The following ADGRG2 variants were observed in gnomAD, a reference collection of about 807,000 sequenced individuals.
ADGRG2 encodes adhesion G protein-coupled receptor G2.
In ADGRG2, 26 loss-of-function variants were observed where a neutral mutation model predicts 74.1. The observed-to-expected ratio is 0.35, with a 90% CI of 0.26 to 0.49. The LOEUF (loss-of-function observed/expected upper bound fraction) is 0.49. ADGRG2 is among the 20% of genes least tolerant of loss of function. ADGRG2 has a pLI of 0.99. For missense variants in ADGRG2, 619 were observed against 763.1 expected, an observed-to-expected ratio of 0.81 and a Z score of 2.22; for synonymous variants, 296 against 295.2, an observed-to-expected ratio of 1.00 and a Z score of -0.03.
At chrX:19,076,021 G>A (rs2061742704) in intron 2 of ADGRG2, among the ~76,000 whole-genome samples, 1 of 112,192 alleles carries the variant, frequency 8.9e-6, no homozygotes, top group Non-Finnish European at 1.9e-5. Flanking sequence ...AGAAGGCTTT[G>A]CCCTTATTCT....
Position 18,996,096 on chromosome X carries a change from T to C in ADGRG2, c.2671A>G (p.Arg891Gly), listed in dbSNP as rs984720247. 1.7e-6 allele frequency: 2 copies of C among 1,191,196 alleles called. No homozygotes were observed. Among genetic ancestry groups the C allele is most frequent in the African/African-American group, 3.5e-5 (2 of 57,344 alleles). ...VAKENVRKQW[R>G]RYLCCGKLRL... ...AACTTTCCACAACAAAGATACCGCC[T>C]CCATTGCTTCCTGACATTTTCTTTG... is the stretch of plus-strand genomic sequence containing the variant. Residue 891 changes from arginine to glycine, a missense_variant, in exon 27 of 29, where the codon AGG becomes GGG. This residue lies in a region of ADGRG2 where 106 missense variants were observed against 104.5 expected (regional missense o/e 1.01). Transcript: ENST00000379869.
chrX:19,034,859 G>C (rs1386089507), intron 7 of ADGRG2: 1 of 110,253 alleles, frequency 9.1e-6, no homozygotes, highest in African/African-American at 3.3e-5. Context: ...GCGTGAACCC[G>C]GGAGGCGGAG....
Position 19,002,868 on chromosome X carries a change from A to G in ADGRG2, c.2208T>C (p.Leu736=), listed in dbSNP as rs1277500058. ...TACCCCAACCGACAATGCAGAATTTAAGGATGTATTTTCGGATGTAAGTAT... is the reference window on the plus strand; with the variant it reads ...TACCCCAACCGACAATGCAGAATTTGAGGATGTATTTTCGGATGTAAGTAT... ...VFNTYIRKYI[L]KFCIVGWGVP... is the part of the protein sequence containing the mutation. The change falls in exon 24 of 29, where the codon CTT becomes CTC. Residue 736 remains leucine (L), a synonymous_variant. Coordinates refer to ENST00000379869, the MANE Select transcript of ADGRG2 (RefSeq NM_001079858.3). 2.5e-6 allele frequency: 3 copies of G among 1,208,542 alleles called. No homozygotes were observed. Among genetic ancestry groups the G allele is most frequent in the African/African-American group, 1.7e-5 (1 of 57,240 alleles).
intron 6 of ADGRG2, 89 bp downstream of exon 6, chrX:19,037,378 T>C: frequency 1.5e-6 from 1 of 685,529 alleles, no homozygotes; most frequent in African/African-American, 2.2e-5. Context: ...TCAGAAATAA[T>C]TTAGAAATGG....
At chrX:19,016,223 G>A (rs1407943546) in intron 15 of ADGRG2, among the ~76,000 whole-genome samples, 1 of 112,171 alleles carries the variant, frequency 8.9e-6, no homozygotes, top group African/African-American at 3.2e-5. Flanking sequence ...AGAGCTTGAC[G>A]AATTTTATAT....
At chrX:19,016,529 TA>T (rs1267072886) in intron 15 of ADGRG2, among the ~76,000 whole-genome samples, 1 of 109,905 alleles carries the variant, frequency 9.1e-6, no homozygotes, top group Non-Finnish European at 1.9e-5. Flanking sequence ...TTTTATTTTT[TA>T]TTTTTTATTA....
At chrX:19,096,989 G>A (rs2062106839) in intron 1 of ADGRG2, among the ~76,000 whole-genome samples, 1 of 112,327 alleles carries the variant, frequency 8.9e-6, no homozygotes, top group South Asian at 3.7e-4. Flanking sequence ...ACATCTCTGT[G>A]GCTGACACTT....
At chrX:19,095,961 G>A (rs1293343309) in intron 1 of ADGRG2, among the ~76,000 whole-genome samples, 1 of 112,113 alleles carries the variant, frequency 8.9e-6, no homozygotes, top group Non-Finnish European at 1.9e-5. Flanking sequence ...TGAGGCTGCA[G>A]TGAACAAAGA....
chrX:19,027,188 G>A lies in ADGRG2; in HGVS notation c.470+31C>T, dbSNP rs1199598277. On this transcript the variant is annotated intron_variant, in intron 11 of 28. Transcript: ENST00000379869. ...AAGTATCCTTCCATAGTTGATGTCT[G>A]CAGTTTCAAATCAAACGGCAGATTA... 5.2e-6 allele frequency: 5 copies of A among 958,597 alleles called. No individual in the cohort carries two copies. The African/African-American group carries it at 9.5e-5, about 18-fold the overall frequency. 79.0% of individuals were successfully genotyped at this position (958,597 alleles called of 1,213,427 possible). A position where few individuals can be genotyped will look rare whatever the true frequency, so the allele number is the denominator to read the frequency against.
intron 22 of ADGRG2, among the ~76,000 whole-genome samples, chrX:19,005,749 C>T (rs753911051): frequency 4.5e-5 from 5 of 111,271 alleles, no homozygotes; most frequent in Admixed American, 1.9e-4. Context: ...GACGGGGTTT[C>T]GCCATGTTGG....
chrX:19,100,155 AAACACTACTTC>A (rs980529217), intron 1 of ADGRG2, among the ~76,000 whole-genome samples: 10 of 112,602 alleles, frequency 8.9e-5, no homozygotes, highest in African/African-American at 3.2e-4. Context: ...ACCTCATAAC[AAACACTACTTC>A]AACACTCAGA....
At chrX:19,050,324 C>T (rs749920508) in intron 3 of ADGRG2, among the ~76,000 whole-genome samples, 1 of 111,674 alleles carries the variant, frequency 9.0e-6, no homozygotes, top group Non-Finnish European at 1.9e-5. Flanking sequence ...CCATTACTTC[C>T]TCTGCACTCC....
At chrX:19,077,451 T>G (rs1468399012) in intron 2 of ADGRG2, among the ~76,000 whole-genome samples, 1 of 104,064 alleles carries the variant, frequency 9.6e-6, no homozygotes, top group Admixed American at 1.0e-4. Context: ...GAGGCAGAGG[T>G]TGCAGTGAGC....
intron 1 of ADGRG2, among the ~76,000 whole-genome samples, chrX:19,096,551 T>C (rs1170522347): frequency 2.7e-5 from 3 of 112,149 alleles, no homozygotes; most frequent in Non-Finnish European, 3.8e-5. Flanking sequence ...CAAAAGATCT[T>C]TTAAAACTCC....
chrX:19,106,090 T>G, intron 1 of ADGRG2, among the ~76,000 whole-genome samples: 1 of 110,964 alleles, frequency 9.0e-6, no homozygotes. Context: ...ATCAAGCCAG[T>G]CACCACTGGG....
Position 19,002,938 on chromosome X carries a change from C to A in ADGRG2, c.2138G>T (p.Gly713Val). ...CAGGTACATATGGAATGCTTCTAGG[C>A]CCATCCATGTGAATGAGACCAAGAG... ...YFLLVSFTWMGLEAFHMYLAL... is the reference protein window; with the variant it reads ...YFLLVSFTWMVLEAFHMYLAL... The change falls in exon 24 of 29, where the codon GGC (glycine) becomes GTC (valine). Residue 713 changes from glycine to valine, a missense_variant. By Grantham distance (109) the Gly-to-Val change is moderately radical. Around this residue, in one of 3 missense-constraint regions of ADGRG2, gnomAD observed 221 missense variants for 340.6 expected, o/e 0.65. Coordinates refer to ENST00000379869, the MANE Select transcript of ADGRG2 (RefSeq NM_001079858.3). The A allele has an allele frequency of 8.3e-7, 1 of 1,203,814 alleles. No homozygotes were observed. Among genetic ancestry groups the A allele is most frequent in the Non-Finnish European group, 1.1e-6 (1 of 888,439 alleles).
intron 20 of ADGRG2, among the ~76,000 whole-genome samples, 188 bp downstream of exon 20, chrX:19,007,047 C>A (rs770370216): frequency 1.8e-5 from 2 of 111,575 alleles, no homozygotes; most frequent in African/African-American, 6.5e-5. Flanking sequence ...TGAACCACTG[C>A]ACCTGCCCTG....
In ADGRG2 at chrX:18,991,054, TA is replaced by T; in HGVS notation, c.2870-7del. ...CCTCTCTGTAGAAGCATTTCCTGTA[TA>T]AGGAAACACAAAGCGGGTGGCATGA... On this transcript the variant is annotated splice_polypyrimidine_tract_variant and splice_region_variant and intron_variant, in intron 28 of 28. Coordinates refer to ENST00000379869, the MANE Select transcript of ADGRG2 (RefSeq NM_001079858.3). The T allele has an allele frequency of 8.8e-7, 1 of 1,132,628 alleles. No individual in the cohort carries two copies. Among genetic ancestry groups the T allele is most frequent in the Non-Finnish European group, 1.2e-6 (1 of 842,379 alleles). The allele number at this position is 1,132,628 out of a possible 1,213,427, so 93.3% of individuals were successfully genotyped here.
At chrX:19,116,506 C>CAAAAAAAAAAAAAAAAAAAA (rs10677696) in intron 1 of ADGRG2, among the ~76,000 whole-genome samples, 1 of 24,024 alleles carries the variant, frequency 4.2e-5, no homozygotes, top group African/African-American at 1.3e-4. Flanking sequence ...GATTCCGTCT[C>CAAAAAAAAAAAAAAAAAAAA]AAAAAAAAAA....
Sources: gnomAD v4.1 joint callset for allele counts (sites outside exome capture counted in the v4.1 genomes callset) on GRCh38, gnomAD v4.1.1 for gene constraint, gnomAD v4.1.1 regional missense constraint, MANE v1.5 for transcripts, NCBI Gene and HGNC (gene_info 2026-07-23, HGNC 2026-07-21) for gene names.